CDH12: variants seen among roughly 807,000 people sequenced by gnomAD.
CDH12 encodes the protein cadherin 12.
A neutral mutation model predicts 74.1 loss-of-function variants in CDH12; 41 were observed. That is an observed-to-expected ratio of 0.55 (90% CI 0.43 to 0.72). CDH12 has a LOEUF of 0.72. Ranked by LOEUF, CDH12 falls within the 30% of genes least tolerant of loss-of-function variation. The pLI is 0.00. For missense variants in CDH12, 945 were observed against 977.2 expected (o/e 0.97, Z 0.44); for synonymous variants, 399 against 355.0 (o/e 1.12, Z -1.39).
chr5:22,299,172 G>A (rs182740787), intron 3 of CDH12, among the ~76,000 whole-genome samples: 25 of 152,260 alleles, frequency 1.6e-4, no homozygotes, highest in East Asian at 9.7e-4. Flanking sequence ...CAAACCTCAG[G>A]AGAGGGAACA....
intron 5 of CDH12, among the ~76,000 whole-genome samples, chr5:21,986,794 CTTAAT>C (rs1757534638): frequency 6.6e-6 from 1 of 152,004 alleles, no homozygotes; most frequent in Admixed American, 6.6e-5. Flanking sequence ...CATATCATTT[CTTAAT>C]TTATTGTTAG....
At chr5:22,546,172 C>T (rs1196434260) in intron 1 of CDH12, among the ~76,000 whole-genome samples, 1 of 152,064 alleles carries the variant, frequency 6.6e-6, no homozygotes, top group Admixed American at 6.6e-5. Context: ...TCTTGAACTC[C>T]TGACCTCATG....
chr5:22,744,527 A>G lies in CDH12; in HGVS notation c.-523+108531T>C, dbSNP rs551410586. 2.6e-5 allele frequency among the ~76,000 whole-genome samples: 4 copies of G among 152,328 alleles called. No homozygotes were observed. The East Asian group carries it at 7.7e-4, about 29-fold the overall frequency. Reference sequence around the variant, plus strand: ...TGATAATGAAAAGTTTATATTTTACATTATTTATTTTACAAATAAGTCATT... The same window carrying G: ...TGATAATGAAAAGTTTATATTTTACGTTATTTATTTTACAAATAAGTCATT... On this transcript the variant is annotated intron_variant, in intron 1 of 14. Transcript: ENST00000382254.
intron 1 of CDH12, among the ~76,000 whole-genome samples, chr5:22,739,388 T>TA (rs1744906522): frequency 6.6e-6 from 1 of 152,040 alleles, no homozygotes; most frequent in Non-Finnish European, 1.5e-5. Flanking sequence ...TCAATGAATG[T>TA]TGTCCACTTT....
chr5:22,047,345 A>G lies in CDH12; in HGVS notation c.231+31101T>C, dbSNP rs188447094. On this transcript the variant is annotated intron_variant, in intron 5 of 14. Transcript: ENST00000382254. ...GGCTGCAGGCTTTTCACCTGGTACC[A>G]GATCTTTTTGTTTAATTTTGTTTTT... 2.0e-3 allele frequency among the ~76,000 whole-genome samples: 311 copies of G among 152,144 alleles called. 4 individuals carry two copies. Among genetic ancestry groups the G allele is most frequent in the African/African-American group, 6.9e-3 (286 of 41,506 alleles).
chr5:22,347,533 C>T (rs112816618), intron 3 of CDH12, among the ~76,000 whole-genome samples: 4,552 of 152,236 alleles, frequency 0.03, 114 homozygotes, highest in African/African-American at 0.068. Flanking sequence ...GGCTTCCTTG[C>T]TCCTCAGCCT....
intron 2 of CDH12, among the ~76,000 whole-genome samples, chr5:22,475,909 G>T (rs566848274): frequency 4.8e-4 from 73 of 152,046 alleles, no homozygotes; most frequent in African/African-American, 1.8e-3. Flanking sequence ...ATTTTCTAGA[G>T]ATTATTTTTT....
intron 6 of CDH12, among the ~76,000 whole-genome samples, chr5:21,917,318 T>G (rs183914656): frequency 6.6e-6 from 1 of 152,290 alleles, no homozygotes; most frequent in African/African-American, 2.4e-5. Flanking sequence ...TGCCCAGAAC[T>G]GGGATGTCAT....
At chr5:21,912,448 A>G (rs1305873688) in intron 6 of CDH12, among the ~76,000 whole-genome samples, 1 of 152,160 alleles carries the variant, frequency 6.6e-6, no homozygotes, top group East Asian at 1.9e-4. Flanking sequence ...GAAAGACTGA[A>G]GTCTAAAGCT....
intron 2 of CDH12, among the ~76,000 whole-genome samples, chr5:22,472,390 T>C (rs10941953): frequency 0.55 from 83,343 of 151,816 alleles, 23,093 homozygotes; most frequent in Admixed American, 0.69. Flanking sequence ...CTAAATTTAC[T>C]TCCTTAGCTG....
At chr5:22,463,084 T>G (rs953751218) in intron 2 of CDH12, among the ~76,000 whole-genome samples, 1 of 152,058 alleles carries the variant, frequency 6.6e-6, no homozygotes, top group Non-Finnish European at 1.5e-5. Context: ...GAACATATAA[T>G]CAAGAAAGTA....
At chr5:22,354,318 C>T (rs1326126030) in intron 3 of CDH12, among the ~76,000 whole-genome samples, 1 of 152,138 alleles carries the variant, frequency 6.6e-6, no homozygotes, top group East Asian at 1.9e-4. Context: ...AGTAAACTGT[C>T]CCCTGACAAA....
chr5:22,602,203 T>C (rs1736883800), intron 1 of CDH12, among the ~76,000 whole-genome samples: 1 of 152,136 alleles, frequency 6.6e-6, no homozygotes, highest in Admixed American at 6.6e-5. Flanking sequence ...CTCTCACCTA[T>C]GACTTCCTTG....
intron 5 of CDH12, among the ~76,000 whole-genome samples, chr5:22,029,243 A>G (rs1388077224): frequency 6.6e-6 from 1 of 152,108 alleles, no homozygotes; most frequent in East Asian, 1.9e-4. Flanking sequence ...AATGGCAACA[A>G]AAGACAAAAT....
chr5:22,833,544 C>A (rs1328339798), intron 1 of CDH12, among the ~76,000 whole-genome samples: 1 of 152,084 alleles, frequency 6.6e-6, no homozygotes, highest in East Asian at 1.9e-4. Context: ...TTTCACTTAA[C>A]TATCAAGAAC....
chr5:22,440,209 A>C (rs1033018657), intron 2 of CDH12, among the ~76,000 whole-genome samples: 1 of 152,106 alleles, frequency 6.6e-6, no homozygotes, highest in Non-Finnish European at 1.5e-5. Context: ...GAGCAACTTA[A>C]AATAATTTTG....
At chr5:22,209,442 T>C (rs1218704274) in intron 4 of CDH12, among the ~76,000 whole-genome samples, 1 of 152,246 alleles carries the variant, frequency 6.6e-6, no homozygotes, top group African/African-American at 2.4e-5. Flanking sequence ...TCTTTCACTA[T>C]TAACGTGAGT....
At chr5:22,388,696 C>T (rs558950444) in intron 3 of CDH12, among the ~76,000 whole-genome samples, 14 of 152,266 alleles carry the variant, frequency 9.2e-5, no homozygotes, top group Non-Finnish European at 1.9e-4. Flanking sequence ...ATTAAAATCA[C>T]AGCAGCTTTA....
At chr5:22,796,747 C>G (rs1748242931) in intron 1 of CDH12, among the ~76,000 whole-genome samples, 1 of 102,364 alleles carries the variant, frequency 9.8e-6, no homozygotes, top group Non-Finnish European at 1.9e-5. Context: ...GTCTCGATCT[C>G]TTGACCTCGT....
Sources: gnomAD v4.1 joint callset for allele counts (sites outside exome capture counted in the v4.1 genomes callset) on GRCh38, gnomAD v4.1.1 for gene constraint, MANE v1.5 for transcripts, NCBI Gene and HGNC (gene_info 2026-07-23, HGNC 2026-07-21) for gene names.